The following KLF12 variants were observed in gnomAD, a reference collection of about 807,000 sequenced individuals.
The protein encoded by KLF12 is KLF transcription factor 12.
In KLF12, 9 loss-of-function variants were observed where a neutral mutation model predicts 37.8. The observed-to-expected ratio is 0.24, with a 90% confidence interval of 0.14 to 0.42. The LOEUF is 0.42. Ranked by LOEUF, KLF12 falls within the 10% of genes least tolerant of loss-of-function variation. KLF12 has a pLI of 1.00. For missense variants in KLF12, 411 were observed against 516.0 expected, an observed-to-expected ratio of 0.80 and a Z score of 1.97; for synonymous variants, 208 against 202.1, an observed-to-expected ratio of 1.03 and a Z score of -0.25.
At chr13:74,246,551 C>T in the KLF12 span, among the ~76,000 whole-genome samples, 8 of 152,316 alleles carry the variant, frequency 5.3e-5, no homozygotes, top group South Asian at 1.7e-3. Flanking sequence ...AAAGTGGCCC[C>T]CTGCCAGCTT....
At chr13:74,302,942 G>A in the KLF12 span, among the ~76,000 whole-genome samples, 1 of 152,178 alleles carries the variant, frequency 6.6e-6, no homozygotes, top group East Asian at 1.9e-4. Context: ...TGAATTAACA[G>A]TCTTCCTCCT....
chr13:74,023,859 G>C (rs1237430309), intron 1 of KLF12, among the ~76,000 whole-genome samples: 2 of 152,276 alleles, frequency 1.3e-5, no homozygotes, highest in East Asian at 3.9e-4. Context: ...TTGTGAAGAG[G>C]TAGCAGATTA....
chr13:74,072,380 T>TATATATATATATAC (rs1874311018), intron 1 of KLF12, among the ~76,000 whole-genome samples: 1 of 113,998 alleles, frequency 8.8e-6, no homozygotes, highest in Admixed American at 8.2e-5. Flanking sequence ...TATATATATA[T>TATATATATATATAC]ATATATATAT....
At chr13:74,136,330 C>T (rs1447975858), upstream of KLF12, among the ~76,000 whole-genome samples, 1 of 152,158 alleles carries the variant, frequency 6.6e-6, no homozygotes, top group Non-Finnish European at 1.5e-5. Flanking sequence ...TAAACAGCCC[C>T]TTACACTCCA....
intron 2 of KLF12, among the ~76,000 whole-genome samples, chr13:73,963,052 T>C (rs17289305): frequency 0.079 from 12,033 of 152,222 alleles, 655 homozygotes; most frequent in Non-Finnish European, 0.11. Flanking sequence ...GGTTAATAAT[T>C]TGAAATACCA....
At chr13:73,841,111 G>A (rs1884712239) in intron 4 of KLF12, among the ~76,000 whole-genome samples, 1 of 152,182 alleles carries the variant, frequency 6.6e-6, no homozygotes, top group Admixed American at 6.6e-5. Context: ...ACTGCTACTA[G>A]AATGTAAGGT....
the KLF12 span, among the ~76,000 whole-genome samples, chr13:74,253,424 G>A: frequency 6.6e-6 from 1 of 152,176 alleles, no homozygotes; most frequent in South Asian, 2.1e-4. Context: ...GGACTATTTT[G>A]AAGTGGTAGC....
the KLF12 span, among the ~76,000 whole-genome samples, chr13:74,156,268 A>G: frequency 6.6e-6 from 1 of 152,134 alleles, no homozygotes; most frequent in East Asian, 1.9e-4. Flanking sequence ...AGGCCTCTGT[A>G]TGGTCTAGTT....
intron 3 of KLF12, among the ~76,000 whole-genome samples, chr13:73,889,632 T>C (rs573779740): frequency 1.3e-5 from 2 of 152,296 alleles, no homozygotes; most frequent in South Asian, 4.1e-4. Context: ...ACTCATATTT[T>C]GAAGGACTAC....
upstream of KLF12, among the ~76,000 whole-genome samples, chr13:74,134,975 C>T (rs1032634817): frequency 2.6e-5 from 4 of 151,560 alleles, no homozygotes; most frequent in Admixed American, 2.6e-4. Flanking sequence ...GCGGGGACCG[C>T]CCCTGGGCGC....
chr13:73,946,478 T>G (rs1419325484), intron 2 of KLF12, among the ~76,000 whole-genome samples: 1 of 152,224 alleles, frequency 6.6e-6, no homozygotes, highest in Non-Finnish European at 1.5e-5. Flanking sequence ...TTAACACATT[T>G]AAGTATCACT....
At chr13:73,728,127 A>T (rs1321706559) in intron 6 of KLF12, among the ~76,000 whole-genome samples, 4 of 152,238 alleles carry the variant, frequency 2.6e-5, no homozygotes, top group African/African-American at 7.2e-5. Context: ...AATTAAAAAA[A>T]TTTTTTTAAC....
chr13:73,764,477 TAAA>T (rs34174554), intron 6 of KLF12, among the ~76,000 whole-genome samples: 49 of 148,544 alleles, frequency 3.3e-4, no homozygotes, highest in Middle Eastern at 3.5e-3. Context: ...CTCCCCAAAT[TAAA>T]AAAAAAAAAA....
chr13:73,812,410 A>G (rs1047391431), intron 5 of KLF12, among the ~76,000 whole-genome samples: 1 of 129,772 alleles, frequency 7.7e-6, no homozygotes, highest in Non-Finnish European at 1.8e-5. Flanking sequence ...ATGTAAGGTG[A>G]GGAATGTATT....
chr13:74,051,717 G>A (rs1003695213), intron 1 of KLF12, among the ~76,000 whole-genome samples: 2 of 152,086 alleles, frequency 1.3e-5, no homozygotes, highest in South Asian at 2.1e-4. Context: ...GAAAGAAACA[G>A]AAGTAGGATC....
At chr13:74,273,587 T>C in the KLF12 span, among the ~76,000 whole-genome samples, 1 of 152,126 alleles carries the variant, frequency 6.6e-6, no homozygotes, top group African/African-American at 2.4e-5. Context: ...GTAATCTTAG[T>C]CTGCAATACT....
chr13:73,979,353 A>AC (rs1891628215), intron 2 of KLF12, among the ~76,000 whole-genome samples: 10 of 110,222 alleles, frequency 9.1e-5, no homozygotes, highest in Admixed American at 2.2e-4. Context: ...GTCTGCTTTT[A>AC]AACACACACA....
chr13:74,247,724 G>C, the KLF12 span, among the ~76,000 whole-genome samples: 2 of 152,184 alleles, frequency 1.3e-5, no homozygotes, highest in East Asian at 3.9e-4. Context: ...CTCCCACCTT[G>C]ACCTCCCAAA....
intron 4 of KLF12, among the ~76,000 whole-genome samples, chr13:73,829,985 T>G (rs1170777700): frequency 6.6e-6 from 1 of 152,204 alleles, no homozygotes; most frequent in Non-Finnish European, 1.5e-5. Context: ...AAATTATGAT[T>G]GAAAGGAGGT....
Sources: allele counts gnomAD v4.1 joint callset (sites outside exome capture counted in the v4.1 genomes callset), GRCh38; gene constraint gnomAD v4.1.1; transcripts MANE v1.5; gene names NCBI Gene and HGNC (gene_info 2026-07-23, HGNC 2026-07-21).